Variants in DOCK2 observed in about 807,000 individuals in gnomAD.
DOCK2 encodes dedicator of cytokinesis 2, also known as dedicator of cytokinesis protein 2.
Under a neutral mutation model 248.9 loss-of-function variants are expected in DOCK2, and 87 were observed. The observed-to-expected ratio is 0.35, with a 90% CI of 0.29 to 0.42. The LOEUF (loss-of-function observed/expected upper bound fraction) is 0.42. Ranked by LOEUF, DOCK2 falls within the 10% of genes least tolerant of loss-of-function variation. DOCK2 has a pLI of 1.00. For missense variants in DOCK2, 1,747 were observed against 2,300.2 expected, an observed-to-expected ratio of 0.76 and a Z score of 4.92; for synonymous variants, 805 against 821.6, an observed-to-expected ratio of 0.98 and a Z score of 0.35.
chr5:170,074,426 A>T (rs1757776421), intron 46 of DOCK2, among the ~76,000 whole-genome samples: 1 of 152,192 alleles, frequency 6.6e-6, no homozygotes, highest in Non-Finnish European at 1.5e-5. Context: ...GAAAAAGAAA[A>T]TCTGAGTACA....
intron 27 of DOCK2, among the ~76,000 whole-genome samples, chr5:169,919,261 C>T (rs901425775): frequency 2.0e-5 from 3 of 152,170 alleles, no homozygotes; most frequent in African/African-American, 7.2e-5. Context: ...CGATATGGGG[C>T]AGAGGTGGGG....
chr5:169,765,103 C>CACACACA (rs55959467), intron 25 of DOCK2, among the ~76,000 whole-genome samples: 6 of 148,044 alleles, frequency 4.1e-5, no homozygotes, highest in East Asian at 2.0e-4. Context: ...CACACACACA[C>CACACACA]CCCACACACA....
chr5:169,900,454 G>A (rs558980755), intron 27 of DOCK2, among the ~76,000 whole-genome samples: 1 of 152,200 alleles, frequency 6.6e-6, no homozygotes, highest in Non-Finnish European at 1.5e-5. Flanking sequence ...GCAAATGTCA[G>A]GAGAAGACTG....
At chr5:169,858,711 GT>G (rs1771020503) in intron 27 of DOCK2, among the ~76,000 whole-genome samples, 1 of 152,194 alleles carries the variant, frequency 6.6e-6, no homozygotes, top group Non-Finnish European at 1.5e-5. Flanking sequence ...TATTTGAGAA[GT>G]GAGAGAGGGG....
At chr5:170,074,435 CAA>C (rs566652675) in intron 46 of DOCK2, among the ~76,000 whole-genome samples, 285 of 152,320 alleles carry the variant, frequency 1.9e-3, no homozygotes, top group Middle Eastern at 0.014. Flanking sequence ...AATCTGAGTA[CAA>C]GAGAGAGGGC....
At chr5:169,966,622 C>A (rs375246894) in intron 27 of DOCK2, among the ~76,000 whole-genome samples, 2 of 152,112 alleles carry the variant, frequency 1.3e-5, no homozygotes, top group African/African-American at 4.8e-5. Flanking sequence ...GGCTCCATAC[C>A]CTTATTTTAC....
intron 41 of DOCK2, 84 bp from the exon 42 acceptor site, chr5:170,055,221 C>T (rs1460146662): frequency 1.5e-6 from 2 of 1,374,602 alleles, no homozygotes; most frequent in Admixed American, 3.4e-5. Flanking sequence ...AAAGGCTGGC[C>T]TGGAAGGTCT....
intron 30 of DOCK2, chr5:169,997,906 C>T (rs542896475): frequency 3.5e-5 from 16 of 456,312 alleles, no homozygotes; most frequent in Admixed American, 1.4e-4. Flanking sequence ...TCAGGCAAGG[C>T]CTGGACTGTA....
chr5:169,995,360 C>G (rs1380055300), intron 29 of DOCK2, among the ~76,000 whole-genome samples: 1 of 152,084 alleles, frequency 6.6e-6, no homozygotes, highest in Non-Finnish European at 1.5e-5. Flanking sequence ...TGGAGGAGAA[C>G]AGTGGAGAAG....
At position 169,799,591 on chromosome 5, in the gene DOCK2, A is replaced by T. The variant is rs574082949; in HGVS notation, c.2555-3467A>T. ...AACTTTTAAAATAAACTTTTTAATG[A>T]ATATTGTAAGACATTTTTTTACCCT... On this transcript the variant is annotated intron_variant, in intron 25 of 51. Transcript: ENST00000520908. Among the ~76,000 whole-genome samples, 113 of 152,348 alleles carry T rather than the reference A, an allele frequency of 7.4e-4. 1 individual carries two copies. Among genetic ancestry groups the T allele is most frequent in the African/African-American group, 2.6e-3 (110 of 41,572 alleles).
At chr5:169,905,169 C>A (rs762685690) in intron 27 of DOCK2, among the ~76,000 whole-genome samples, 1 of 152,094 alleles carries the variant, frequency 6.6e-6, no homozygotes, top group Non-Finnish European at 1.5e-5. Context: ...CAGGGTGACA[C>A]AAGTGGGTGA....
At chr5:169,840,954 T>A in intron 27 of DOCK2, 102 bp downstream of exon 27, 1 of 1,292,312 alleles carries the variant, frequency 7.7e-7, no homozygotes, top group Non-Finnish European at 1.1e-6. Context: ...GCATTGATCA[T>A]TGCTTTGTTT....
intron 32 of DOCK2, 71 bp downstream of exon 32, chr5:170,008,817 G>C (rs1755167245): frequency 1.3e-6 from 2 of 1,576,032 alleles, no homozygotes; most frequent in Non-Finnish European, 1.7e-6. Flanking sequence ...CCATCTGTTG[G>C]AGGGCCACAG....
chr5:169,980,831 C>T (rs914810843), intron 27 of DOCK2: 25 of 152,246 alleles, frequency 1.6e-4, no homozygotes, highest in Admixed American at 2.0e-4. Context: ...AAGAATTTGA[C>T]TCTGGCTCTT....
chr5:169,637,380 GC>G lies in DOCK2; in HGVS notation c.43+15del. On this transcript the variant is annotated intron_variant, in intron 1 of 51. Transcript: ENST00000520908. Reference sequence around the variant, plus strand: ...AGCGGCACGGCGTGGGTAGGTGCGGGCCCCAGGGCGCGGCAGGGAGCGGGAC... The same window carrying G: ...AGCGGCACGGCGTGGGTAGGTGCGGGCCCAGGGCGCGGCAGGGAGCGGGAC... 5 of 1,392,820 alleles carry G rather than the reference GC, an allele frequency of 3.6e-6. No individual in the cohort carries two copies. The highest frequency in any genetic ancestry group is 1.6e-5 in the South Asian group (1 of 64,394). 86.3% of individuals were successfully genotyped at this position (1,392,820 alleles called of 1,614,324 possible).
intron 9 of DOCK2, among the ~76,000 whole-genome samples, 187 bp downstream of exon 9, chr5:169,689,520 T>C (rs533516911): frequency 6.6e-6 from 1 of 152,284 alleles, no homozygotes; most frequent in East Asian, 1.9e-4. Context: ...GAAAGATGGA[T>C]GTTCACCTCT....
intron 33 of DOCK2, among the ~76,000 whole-genome samples, chr5:170,024,972 A>G (rs1287586671): frequency 6.6e-6 from 1 of 152,218 alleles, no homozygotes; most frequent in Non-Finnish European, 1.5e-5. Context: ...CTCCAAAGAA[A>G]AGTTCAGCTC....
chr5:169,699,373 C>T lies in DOCK2; in HGVS notation c.1056-9C>T, dbSNP rs963171708. Reference sequence around the variant, plus strand: ...ATGTGGACATTTCATGCTCTCTTTTCCTTTCCAGGGTTACAGCTGAGAATG... The same window carrying T: ...ATGTGGACATTTCATGCTCTCTTTTTCTTTCCAGGGTTACAGCTGAGAATG... On this transcript the variant is annotated splice_polypyrimidine_tract_variant and intron_variant, in intron 11 of 51. Transcript: ENST00000520908. The T allele has an allele frequency of 1.9e-6, 3 of 1,612,188 alleles. No homozygotes were observed. The highest frequency in any genetic ancestry group is 1.7e-5 in the Admixed American group (1 of 59,832).
At chr5:169,714,869 A>C (rs1247208083) in intron 19 of DOCK2, among the ~76,000 whole-genome samples, 1 of 152,182 alleles carries the variant, frequency 6.6e-6, no homozygotes, top group African/African-American at 2.4e-5. Context: ...TATAAAACAA[A>C]GTTCAATAAA....
Sources: allele counts gnomAD v4.1 joint callset (sites outside exome capture counted in the v4.1 genomes callset), GRCh38; gene constraint gnomAD v4.1.1; transcripts MANE v1.5; gene names NCBI Gene and HGNC (gene_info 2026-07-23, HGNC 2026-07-21).